Variants in CD2AP observed in about 807,000 individuals in gnomAD.
CD2AP encodes the protein CD2 associated protein, also known as CD2-associated protein.
A neutral mutation model predicts 85.1 loss-of-function variants in CD2AP; 46 were observed. The observed-to-expected ratio is 0.54, with a 90% confidence interval of 0.43 to 0.69. CD2AP has a LOEUF of 0.69. CD2AP is among the 30% of genes least tolerant of loss of function. The probability of loss-of-function intolerance (pLI) is 0.00; values close to 1 mark genes in which losing one functional copy is unlikely to be tolerated. For missense variants in CD2AP, 769 were observed against 729.5 expected (o/e 1.05, Z -0.62); for synonymous variants, 255 against 252.9 (o/e 1.01, Z -0.08).
intron 1 of CD2AP, among the ~76,000 whole-genome samples, chr6:47,480,336 T>G (rs1765412182): frequency 6.6e-6 from 1 of 152,224 alleles, no homozygotes; most frequent in Non-Finnish European, 1.5e-5. Flanking sequence ...TCCTTTTTTC[T>G]TATGATTTTA....
At chr6:47,494,845 C>T (rs915051228) in intron 1 of CD2AP, among the ~76,000 whole-genome samples, 18 of 152,268 alleles carry the variant, frequency 1.2e-4, no homozygotes, top group African/African-American at 2.6e-4. Context: ...GCCCTTCATA[C>T]GTGTAAATGT....
In CD2AP at chr6:47,609,215, A is replaced by C. The variant is rs1186045104; in HGVS notation, c.1725A>C (p.Thr575=). Residue 575 remains threonine (T), a synonymous_variant, in exon 16 of 18, where the codon ACA becomes ACC. Transcript: ENST00000359314. ...TAGAAATCAAAGCTAAAGTGGAAAC[A>C]GATGATGTGAAAAAAAATTCCCTGG... ...TPLEIKAKVE[T]DDVKKNSLDE... 6.8e-6 allele frequency: 11 copies of C among 1,613,368 alleles called. No homozygotes were observed. The highest frequency in any genetic ancestry group is 9.3e-6 in the Non-Finnish European group (11 of 1,179,414).
At chr6:47,553,807 T>G (rs1232027357) in intron 4 of CD2AP, among the ~76,000 whole-genome samples, 1 of 152,148 alleles carries the variant, frequency 6.6e-6, no homozygotes, top group Non-Finnish European at 1.5e-5. Flanking sequence ...AAGTGTTTGA[T>G]TCATGAGGAT....
At chr6:47,556,495 G>A (rs1411087849) in intron 5 of CD2AP, among the ~76,000 whole-genome samples, 1 of 151,860 alleles carries the variant, frequency 6.6e-6, no homozygotes, top group East Asian at 1.9e-4. Context: ...TTACAGGCAT[G>A]TGCCACCACG....
chr6:47,556,552 T>C (rs1484088166), intron 5 of CD2AP, among the ~76,000 whole-genome samples: 2 of 152,144 alleles, frequency 1.3e-5, no homozygotes, highest in African/African-American at 4.8e-5. Flanking sequence ...TTTCTCCATG[T>C]TGGTCAAGCT....
At chr6:47,509,142 G>T (rs1480890279) in intron 2 of CD2AP, among the ~76,000 whole-genome samples, 1 of 152,226 alleles carries the variant, frequency 6.6e-6, no homozygotes, top group South Asian at 2.1e-4. Context: ...GGAATAGGGA[G>T]CCCTGAGGAG....
chr6:47,478,655 A>G (rs969253775), intron 1 of CD2AP, among the ~76,000 whole-genome samples: 5 of 152,074 alleles, frequency 3.3e-5, no homozygotes, highest in African/African-American at 1.2e-4. Flanking sequence ...ATAAAGTAGC[A>G]CTTTCAACTT....
intron 3 of CD2AP, among the ~76,000 whole-genome samples, chr6:47,538,940 G>GT (rs1172824217): frequency 3.9e-5 from 6 of 152,112 alleles, no homozygotes; most frequent in African/African-American, 7.2e-5. Context: ...ATTTGGTTTT[G>GT]TTTTTTTAAA....
At chr6:47,513,901 G>C (rs1184043116) in intron 2 of CD2AP, among the ~76,000 whole-genome samples, 2 of 144,412 alleles carry the variant, frequency 1.4e-5, no homozygotes, top group East Asian at 2.0e-4. Flanking sequence ...TTGGGGGGGG[G>C]GCTAGCCTTA....
intron 1 of CD2AP, among the ~76,000 whole-genome samples, chr6:47,483,239 C>T (rs1482729625): frequency 2.6e-5 from 4 of 152,052 alleles, no homozygotes; most frequent in East Asian, 1.9e-4. Flanking sequence ...ATGGGGGAGG[C>T]GACAGAACAG....
At chr6:47,589,565 C>CATATATATAT (rs1554182282) in intron 11 of CD2AP, among the ~76,000 whole-genome samples, 19 of 120,996 alleles carry the variant, frequency 1.6e-4, no homozygotes, top group African/African-American at 5.6e-4. Context: ...CACACACACA[C>CATATATATAT]ATATATATAT....
At chr6:47,553,255 T>C (rs1349103402) in intron 4 of CD2AP, among the ~76,000 whole-genome samples, 1 of 152,176 alleles carries the variant, frequency 6.6e-6, no homozygotes, top group Admixed American at 6.5e-5. Flanking sequence ...CAATTAAAAA[T>C]ATTTTAAACA....
chr6:47,536,226 ATT>A (rs60736098), intron 3 of CD2AP, among the ~76,000 whole-genome samples: 45 of 144,892 alleles, frequency 3.1e-4, no homozygotes, highest in African/African-American at 1.0e-3. Flanking sequence ...ATTAAACTTG[ATT>A]TTTTTTTTTT....
At chr6:47,585,365 G>T (rs958044768) in intron 11 of CD2AP, among the ~76,000 whole-genome samples, 2 of 151,864 alleles carry the variant, frequency 1.3e-5, no homozygotes, top group Admixed American at 1.3e-4. Flanking sequence ...TCCTGCCCAT[G>T]GTGGAATGAC....
intron 1 of CD2AP, among the ~76,000 whole-genome samples, chr6:47,486,054 A>C (rs1765557852): frequency 6.6e-6 from 1 of 152,222 alleles, no homozygotes; most frequent in Non-Finnish European, 1.5e-5. Flanking sequence ...AGTTAACACC[A>C]ATATTAAGAA....
intron 3 of CD2AP, among the ~76,000 whole-genome samples, chr6:47,537,930 T>C (rs554850886): frequency 1.3e-4 from 20 of 151,606 alleles, no homozygotes; most frequent in South Asian, 8.3e-4. Flanking sequence ...TTTCTATTTT[T>C]AGTAGTGATG....
At chr6:47,619,260 T>C (rs1440020796) in intron 17 of CD2AP, among the ~76,000 whole-genome samples, 1 of 152,216 alleles carries the variant, frequency 6.6e-6, no homozygotes. Context: ...AAGTCTGTTC[T>C]ATCATTCTTA....
intron 4 of CD2AP, among the ~76,000 whole-genome samples, chr6:47,547,860 A>T (rs1313820543): frequency 6.6e-6 from 1 of 151,992 alleles, no homozygotes; most frequent in Non-Finnish European, 1.5e-5. Flanking sequence ...CTGGAAATCA[A>T]CTCCAAAAGG....
At chr6:47,529,501 T>C (rs7349860) in intron 2 of CD2AP, among the ~76,000 whole-genome samples, 91,870 of 151,924 alleles carry the variant, frequency 0.6, 28,590 homozygotes, top group Middle Eastern at 0.74. Context: ...GCACCCTGAA[T>C]TGGTGGGGAT....
Sources: gnomAD v4.1 joint callset for allele counts (sites outside exome capture counted in the v4.1 genomes callset) on GRCh38, gnomAD v4.1.1 for gene constraint, MANE v1.5 for transcripts, NCBI Gene and HGNC (gene_info 2026-07-23, HGNC 2026-07-21) for gene names.